SAV1: variants seen among roughly 807,000 people sequenced by gnomAD.
The protein encoded by SAV1 is salvador family WW domain containing protein 1.
In SAV1, 23 loss-of-function variants were observed where a neutral mutation model predicts 47.3. The observed-to-expected ratio is 0.49, with a 90% CI of 0.35 to 0.69. The LOEUF (loss-of-function observed/expected upper bound fraction) is 0.69, where lower values mean the gene tolerates loss of function less well. SAV1 is among the 30% of genes least tolerant of loss of function. The probability of loss-of-function intolerance (pLI) is 0.01; values close to 1 mark genes in which losing one functional copy is unlikely to be tolerated. For synonymous variants in SAV1, 155 were observed against 159.2 expected (o/e 0.97, Z 0.20); for missense variants, 448 against 457.4 (o/e 0.98, Z 0.19).
At chr14:50,667,776 G>A (rs1166933633) in intron 1 of SAV1, 98 bp downstream of exon 1, 5 of 852,012 alleles carry the variant, frequency 5.9e-6, no homozygotes, top group Non-Finnish European at 7.6e-6. Flanking sequence ...GACCAAGGAC[G>A]AAGGAGAAGC....
chr14:50,644,933 G>T lies in SAV1; in HGVS notation c.617C>A (p.Ser206Tyr). The change falls in exon 3 of 5, where the codon TCT becomes TAT. Residue 206 changes from serine to tyrosine, a missense_variant. Physicochemically the swap from Ser to Tyr is moderately radical, Grantham distance 144 (BLOSUM62 -2). Transcript: ENST00000324679. The stretch of plus-strand genomic sequence containing the variant: ...TCTCCCTCTCATTGTCCAGTCCACA[G>T]ACCAGCCAGGAGGAAGGGGTAAATC... ...SEDLPLPPGW[S>Y]VDWTMRGRKY... 1 of 1,613,994 alleles carries T rather than the reference G, an allele frequency of 6.2e-7. No homozygotes were observed. Among genetic ancestry groups the T allele is most frequent in the Non-Finnish European group, 8.5e-7 (1 of 1,179,964 alleles).
chr14:50,635,465 A>T (rs116419030), intron 4 of SAV1, 81 bp from the exon 5 acceptor site: 11 of 1,099,532 alleles, frequency 1.0e-5, no homozygotes, highest in African/African-American at 4.8e-5. Flanking sequence ...TCTGTTTTTT[A>T]AAATGTCAAC....
Position 50,634,991 on chromosome 14 carries a change from GC to G in SAV1, c.*191del. On this transcript the variant is annotated 3_prime_UTR_variant, in exon 5 of 5. Transcript: ENST00000324679. ...GTATTTGAAAGTGTTTGCCATATTG[GC>G]TCTTAAAATGATAGACTAATTTTTC... 14 of 572,064 alleles carry G rather than the reference GC, an allele frequency of 2.4e-5. No homozygotes were observed. In the South Asian group the frequency reaches 3.1e-4, roughly 12 times the overall value. The allele number at this position is 572,064 out of a possible 1,614,324, so 35.4% of individuals were successfully genotyped here. A position where few individuals can be genotyped will look rare whatever the true frequency, so the allele number is the denominator to read the frequency against.
chr14:50,650,201 C>T (rs1403705437), intron 2 of SAV1, among the ~76,000 whole-genome samples: 1 of 152,196 alleles, frequency 6.6e-6, no homozygotes, highest in African/African-American at 2.4e-5. Context: ...ACATACAATG[C>T]ATATGCATAA....
At position 50,667,986 on chromosome 14, in the gene SAV1, A is replaced by C. The variant is rs1179901563; in HGVS notation, c.-19T>G. On this transcript the variant is annotated 5_prime_UTR_variant, in exon 1 of 5. Transcript: ENST00000324679. Reference sequence around the variant, plus strand: ...ACAGCATCCTTCTCGACGAGGCCCGAGGCCGCGCTGAACTGCCTCCCTAGG... The same window carrying C: ...ACAGCATCCTTCTCGACGAGGCCCGCGGCCGCGCTGAACTGCCTCCCTAGG... The C allele has an allele frequency of 6.2e-7, 1 of 1,603,746 alleles. No homozygotes were observed. Among genetic ancestry groups the C allele is most frequent in the East Asian group, 2.3e-5 (1 of 44,098 alleles).
In SAV1 at chr14:50,637,663, A is replaced by ATTTTTTTTTTTTTTTTTTTTTTTTT. The variant is rs771403561; in HGVS notation, c.951-2280_951-2279insAAAAAAAAAAAAAAAAAAAAAAAAA. 2.3e-5 allele frequency: 3 copies of ATTTTTTTTTTTTTTTTTTTTTTTTT among 128,768 alleles called. 1 individual carries two copies. Among genetic ancestry groups the ATTTTTTTTTTTTTTTTTTTTTTTTT allele is most frequent in the Non-Finnish European group, 4.7e-5 (3 of 64,320 alleles). 8.0% of individuals were successfully genotyped at this position (128,768 alleles called of 1,614,324 possible). On this transcript the variant is annotated intron_variant, in intron 4 of 4. Coordinates refer to ENST00000324679, the MANE Select transcript of SAV1 (RefSeq NM_021818.4). The stretch of plus-strand genomic sequence containing the variant: ...GAAAAAATCTTCAAACAATTTTGTC[A>ATTTTTTTTTTTTTTTTTTTTTTTTT]GTTTTTTTTTTTTTTTTTTTTTTTT...
In SAV1 at chr14:50,668,003, C is replaced by T; in HGVS notation, c.-36G>A. ...GAGGCCCGAGGCCGCGCTGAACTGC[C>T]TCCCTAGGGCTCCGCGCCGGGCGCC... On this transcript the variant is annotated 5_prime_UTR_variant, in exon 1 of 5. Transcript: ENST00000324679. 1 of 1,485,114 alleles carries T rather than the reference C, an allele frequency of 6.7e-7. No homozygotes were observed. The highest frequency in any genetic ancestry group is 2.1e-5 in the Admixed American group (1 of 47,380). 92.0% of individuals were successfully genotyped at this position (1,485,114 alleles called of 1,614,324 possible).
At chr14:50,653,056 T>C (rs895517970) in intron 2 of SAV1, among the ~76,000 whole-genome samples, 6 of 151,380 alleles carry the variant, frequency 4.0e-5, no homozygotes, top group African/African-American at 1.2e-4. Context: ...AAAAAATGAA[T>C]TGAAATTGAG....
chr14:50,668,252 C>CGGGCCA lies in SAV1; in HGVS notation c.-291_-286dup, dbSNP rs79453158. 5.2e-3 allele frequency: 952 copies of CGGGCCA among 182,496 alleles called. 12 individuals carry two copies. Among genetic ancestry groups the CGGGCCA allele is most frequent in the African/African-American group, 0.021 (877 of 42,212 alleles). The allele number at this position is 182,496 out of a possible 1,614,324, so 11.3% of individuals were successfully genotyped here. On this transcript the variant is annotated 5_prime_UTR_variant, in exon 1 of 5. Transcript: ENST00000324679. Reference sequence around the variant, plus strand: ...CGCCGTGAGGAAAGCCCAGCGACGCCGGGCCAGGGCCAGGGCCATGGTCCG... The same window carrying CGGGCCA: ...CGCCGTGAGGAAAGCCCAGCGACGCCGGGCCAGGGCCAGGGCCAGGGCCATGGTCCG...
chr14:50,659,090 TTTTTGG>T (rs1009989408), intron 2 of SAV1, among the ~76,000 whole-genome samples: 2 of 151,810 alleles, frequency 1.3e-5, no homozygotes, highest in Admixed American at 1.3e-4. Context: ...TTTTTTTTTT[TTTTTGG>T]TTGGGAGAGA....
At chr14:50,658,949 C>T (rs2039835455) in intron 2 of SAV1, among the ~76,000 whole-genome samples, 2 of 152,052 alleles carry the variant, frequency 1.3e-5, no homozygotes, top group East Asian at 3.8e-4. Context: ...TTAGAGATTC[C>T]TTCAAAAAAA....
chr14:50,649,089 A>G (rs2172673), intron 2 of SAV1, among the ~76,000 whole-genome samples: 113,475 of 151,910 alleles, frequency 0.75, 42,548 homozygotes, highest in East Asian at 0.82. Flanking sequence ...TGCTGTTCTC[A>G]AACACGGCAG....
rs61744198 is a variant in SAV1 at position 50,665,306 on chromosome 14, T to G, written c.408A>C (p.Ser136=). 2 of 1,613,872 alleles carry G rather than the reference T, an allele frequency of 1.2e-6. No homozygotes were observed. The highest frequency in any genetic ancestry group is 1.7e-6 in the Non-Finnish European group (2 of 1,179,804). Residue 136 remains serine (S), a synonymous_variant, in exon 2 of 5, where the codon TCA becomes TCC. Coordinates refer to ENST00000324679, the MANE Select transcript of SAV1 (RefSeq NM_021818.4). ...TTCTCTGACCATCAAAAAAATTGTC[T>G]GAATAATAATATCGGGAACCAGAGT... ...NGDSGSRYYY[S]DNFFDGQRKR... is the part of the protein sequence containing the mutation.
In SAV1 at chr14:50,665,597, C is replaced by T. The variant is rs745909846; in HGVS notation, c.117G>A (p.Arg39=). ...LLRNLMPSFI[R]HGPTIPRRTD... ...TTCGTCTTGGAATTGTTGGACCATG[C>T]CGGATGAATGAAGGCATAAGATCTA... Residue 39 remains arginine (R), a synonymous_variant, in exon 2 of 5, where the codon CGG becomes CGA. Transcript: ENST00000324679. The T allele has an allele frequency of 9.3e-6, 15 of 1,609,006 alleles. No homozygotes were observed. In the Admixed American group the frequency reaches 2.4e-4, roughly 25 times the overall value.
intron 2 of SAV1, among the ~76,000 whole-genome samples, chr14:50,651,814 A>G (rs2039772153): frequency 6.6e-6 from 1 of 151,920 alleles, no homozygotes; most frequent in Non-Finnish European, 1.5e-5. Flanking sequence ...TATTTTTTGT[A>G]AAGACAGGGT....
At position 50,634,811 on chromosome 14, in the gene SAV1, T is replaced by A. The variant is rs1054275; in HGVS notation, c.*372A>T. The A allele has an allele frequency of 0.17, 29,847 of 175,366 alleles. 2,924 individuals are homozygous for A. The highest frequency in any genetic ancestry group is 0.25 in the African/African-American group (10,326 of 41,600). The allele number at this position is 175,366 out of a possible 1,614,324, so 10.9% of individuals were successfully genotyped here. ...ACACTACAGCGGTAAACTTTTTTTT[T>A]AAAAAAATACCGCAGATTCTTTTTT... is the stretch of plus-strand genomic sequence containing the variant. On this transcript the variant is annotated 3_prime_UTR_variant, in exon 5 of 5. Transcript: ENST00000324679.
Position 50,636,192 on chromosome 14 carries a change from G to A in SAV1, c.951-808C>T, listed in dbSNP as rs114344892. Among the ~76,000 whole-genome samples the A allele has an allele frequency of 6.0e-3, 906 of 152,214 alleles. 14 individuals carry two copies. Among genetic ancestry groups the A allele is most frequent in the African/African-American group, 0.021 (864 of 41,520 alleles). On this transcript the variant is annotated intron_variant, in intron 4 of 4. Coordinates refer to ENST00000324679, the MANE Select transcript of SAV1 (RefSeq NM_021818.4). Reference sequence around the variant, plus strand: ...AGAACATATTTTGTGCTACTTATAAGTTCATCAAAAGTTAACTGTCAGGAA... The same window carrying A: ...AGAACATATTTTGTGCTACTTATAAATTCATCAAAAGTTAACTGTCAGGAA...
intron 2 of SAV1, among the ~76,000 whole-genome samples, chr14:50,659,584 C>T (rs1414439648): frequency 1.3e-5 from 2 of 152,238 alleles, no homozygotes; most frequent in African/African-American, 4.8e-5. Context: ...TGCTGCGGCA[C>T]ATGCCTGTAA....
At chr14:50,654,903 T>C (rs1373995173) in intron 2 of SAV1, among the ~76,000 whole-genome samples, 1 of 152,210 alleles carries the variant, frequency 6.6e-6, no homozygotes, top group Admixed American at 6.5e-5. Context: ...ACATTATCTA[T>C]GCAGTATTCT....
Sources: allele counts gnomAD v4.1 joint callset (sites outside exome capture counted in the v4.1 genomes callset), GRCh38; gene constraint gnomAD v4.1.1; transcripts MANE v1.5; gene names NCBI Gene and HGNC (gene_info 2026-07-23, HGNC 2026-07-21).